Variants in METAP1 observed in about 807,000 individuals in gnomAD.
METAP1 encodes the protein methionyl aminopeptidase 1.
In METAP1, 28 loss-of-function variants were observed where a neutral mutation model predicts 53.8. The ratio of observed to expected loss-of-function variants is 0.52; its 90% confidence interval spans 0.39 to 0.71. The LOEUF is 0.71. Ranked by LOEUF, METAP1 falls within the 30% of genes least tolerant of loss-of-function variation. The pLI is 0.00. For missense variants in METAP1, 389 were observed against 479.8 expected (o/e 0.81, Z 1.77); for synonymous variants, 181 against 165.7 (o/e 1.09, Z -0.71).
At chr4:99,054,248 C>G (rs992322603) in intron 9 of METAP1, among the ~76,000 whole-genome samples, 45 of 152,350 alleles carry the variant, frequency 3.0e-4, no homozygotes, top group African/African-American at 9.9e-4. Flanking sequence ...GCTATATCTT[C>G]TGGCAAATTT....
At chr4:99,022,317 G>A in intron 1 of METAP1, 1 of 797,438 alleles carries the variant, frequency 1.3e-6, no homozygotes, top group East Asian at 3.0e-5. Flanking sequence ...GCCCTCAGGA[G>A]TCCCTGACCA....
chr4:99,005,334 A>C (rs1723125109), intron 1 of METAP1, among the ~76,000 whole-genome samples: 1 of 152,246 alleles, frequency 6.6e-6, no homozygotes, highest in Admixed American at 6.5e-5. Flanking sequence ...AATGACCTAA[A>C]TAGAATTTTC....
chr4:99,022,666 G>C (rs1182376315), intron 1 of METAP1: 16 of 1,210,474 alleles, frequency 1.3e-5, no homozygotes, highest in East Asian at 2.4e-5. Context: ...GGTGCTCGCT[G>C]TGGTGGGACC....
rs114974815 is a variant in METAP1, at chr4:98,996,385, C to T, written c.114+518C>T. On this transcript the variant is annotated intron_variant, in intron 1 of 10. Coordinates refer to ENST00000296411, the MANE Select transcript of METAP1 (RefSeq NM_015143.3). ...TGCCGGGCTCTGAGAGATGGGTGGC[C>T]CGAGGACCGTCGGAGTCGCAGAGAG... Among the ~76,000 whole-genome samples, 494 of 152,334 alleles carry T rather than the reference C, an allele frequency of 3.2e-3. 5 individuals are homozygous for T. The highest frequency in any genetic ancestry group is 0.011 in the African/African-American group (458 of 41,578).
chr4:99,006,299 T>C (rs1723176136), intron 1 of METAP1, among the ~76,000 whole-genome samples: 1 of 152,230 alleles, frequency 6.6e-6, no homozygotes, highest in Admixed American at 6.5e-5. Context: ...GAACTATGTT[T>C]TCCTTGAATT....
chr4:99,046,665 T>C (rs190155184), intron 8 of METAP1, among the ~76,000 whole-genome samples: 4 of 152,184 alleles, frequency 2.6e-5, no homozygotes, highest in Non-Finnish European at 5.9e-5. Context: ...TAGTGCGTTC[T>C]TTAATGTGTA....
intron 1 of METAP1, among the ~76,000 whole-genome samples, chr4:99,012,263 A>G (rs536670316): frequency 4.4e-4 from 57 of 128,196 alleles, no homozygotes; most frequent in African/African-American, 1.6e-3. Flanking sequence ...CGGGTTGTTA[A>G]TGTGAGTTTT....
intron 5 of METAP1, among the ~76,000 whole-genome samples, chr4:99,040,472 C>CT (rs1380714351): frequency 3.5e-4 from 41 of 118,194 alleles, no homozygotes; most frequent in Admixed American, 3.2e-3. Flanking sequence ...ATTCATTCAT[C>CT]TATTTTTTTT....
rs955866788 is a variant in METAP1 at position 99,009,474 on chromosome 4, A to C, written c.114+13607A>C. ...TCTATAGTAGTTGGATTGTTCTACA[A>C]TTCCAACACAATGTACAAGGGTTCT... is the stretch of plus-strand genomic sequence containing the variant. On this transcript the variant is annotated intron_variant, in intron 1 of 10. Transcript: ENST00000296411. 2.0e-5 allele frequency among the ~76,000 whole-genome samples: 3 copies of C among 152,220 alleles called. No individual in the cohort carries two copies. In the South Asian group the frequency reaches 6.2e-4, roughly 32 times the overall value.
chr4:99,004,697 T>G (rs1190066529), intron 1 of METAP1, among the ~76,000 whole-genome samples: 1 of 152,234 alleles, frequency 6.6e-6, no homozygotes, highest in Non-Finnish European at 1.5e-5. Context: ...TATCATTCAT[T>G]TGCATTTCCA....
At position 99,031,929 on chromosome 4, in the gene METAP1, T is replaced by C. The variant is rs186851103; in HGVS notation, c.167-2301T>C. On this transcript the variant is annotated intron_variant, in intron 2 of 10. Transcript: ENST00000296411. ...ATGTTTGGAAGACAGCTTACAAATG[T>C]ATATTTATACTGCCCTGTTGTTGTA... Among the ~76,000 whole-genome samples the C allele has an allele frequency of 3.0e-3, 450 of 148,642 alleles. 2 individuals carry two copies. Among genetic ancestry groups the C allele is most frequent in the Non-Finnish European group, 5.1e-3 (344 of 68,002 alleles).
In METAP1 at chr4:98,995,857, T is replaced by C; in HGVS notation, c.104T>C (p.Phe35Ser). The change falls in exon 1 of 11, where the codon TTC becomes TCC. Residue 35 changes from phenylalanine to serine, a missense_variant. Phe to Ser is a radical substitution (Grantham distance 155). Transcript: ENST00000296411. ...CIKLGIQGSY[F>S]CSQECFKGSW... ...AAGCTGGGCATCCAGGGCTCGTACT[T>C]CTGCTCGCAGGTAGGCGCCCGCTGC... The C allele has an allele frequency of 6.5e-7, 1 of 1,541,476 alleles. No individual in the cohort carries two copies. The highest frequency in any genetic ancestry group is 8.8e-7 in the Non-Finnish European group (1 of 1,142,256).
chr4:99,031,027 AATC>A (rs1724976385), intron 2 of METAP1, among the ~76,000 whole-genome samples: 1 of 151,732 alleles, frequency 6.6e-6, no homozygotes, highest in Non-Finnish European at 1.5e-5. Flanking sequence ...GAGTTTGCTT[AATC>A]ATAGAAGCTT....
At chr4:99,007,002 G>A (rs1321221103) in intron 1 of METAP1, among the ~76,000 whole-genome samples, 2 of 150,572 alleles carry the variant, frequency 1.3e-5, no homozygotes, top group African/African-American at 2.5e-5. Context: ...CTGTTGCCCA[G>A]GCTACAGTGC....
At chr4:98,998,482 C>G (rs1363480224) in intron 1 of METAP1, among the ~76,000 whole-genome samples, 2 of 152,108 alleles carry the variant, frequency 1.3e-5, no homozygotes, top group African/African-American at 2.4e-5. Flanking sequence ...GAGGTTGCAC[C>G]ACTGCACTCT....
chr4:99,004,484 T>TACACAC (rs145601239), intron 1 of METAP1, among the ~76,000 whole-genome samples: 5 of 75,384 alleles, frequency 6.6e-5, no homozygotes, highest in Non-Finnish European at 1.7e-4. Flanking sequence ...CACACACACA[T>TACACAC]ACACACACAC....
rs927846139 is a variant in METAP1 at position 99,025,462 on chromosome 4, C to A, written c.115-3405C>A. 7.1e-6 allele frequency: 7 copies of A among 983,940 alleles called. No individual in the cohort carries two copies. In the African/African-American group the frequency reaches 1.2e-4, roughly 17 times the overall value. The allele number at this position is 983,940 out of a possible 1,614,324, so 61.0% of individuals were successfully genotyped here. On this transcript the variant is annotated intron_variant, in intron 1 of 10. Coordinates refer to ENST00000296411, the MANE Select transcript of METAP1 (RefSeq NM_015143.3). ...CAGTACTGGAAATAAATAAGAATTA[C>A]CTACATAGCAAATTCCCAGAGATTC...
chr4:99,036,763 T>C (rs1488310763), intron 4 of METAP1, among the ~76,000 whole-genome samples: 1 of 152,112 alleles, frequency 6.6e-6, no homozygotes, highest in Non-Finnish European at 1.5e-5. Context: ...TATTGTAATT[T>C]GACTGCAAAT....
intron 1 of METAP1, chr4:99,022,620 G>T (rs764375529): frequency 1.6e-5 from 12 of 753,842 alleles, no homozygotes; most frequent in Non-Finnish European, 2.7e-5. Context: ...CCACTCTCAG[G>T]TGCTGCCTGT....
Sources: gnomAD v4.1 joint callset for allele counts (sites outside exome capture counted in the v4.1 genomes callset) on GRCh38, gnomAD v4.1.1 for gene constraint, MANE v1.5 for transcripts, NCBI Gene and HGNC (gene_info 2026-07-23, HGNC 2026-07-21) for gene names.